TRIM5: variants seen among roughly 807,000 people sequenced by gnomAD.
TRIM5 encodes tripartite motif-containing protein 5.
TRIM5 carries 31 observed loss-of-function variants against 35.6 expected under a neutral mutation model. The ratio of observed to expected loss-of-function variants is 0.87; its 90% CI spans 0.65 to 1.18. The LOEUF (loss-of-function observed/expected upper bound fraction) is 1.18. TRIM5 is among the 50% of genes most tolerant of loss of function. The probability of loss-of-function intolerance (pLI) is 0.00; values close to 1 mark genes in which losing one functional copy is unlikely to be tolerated. For missense variants in TRIM5, 609 were observed against 591.6 expected (o/e 1.03, Z -0.31); for synonymous variants, 243 against 215.6 (o/e 1.13, Z -1.11).
chr11:5,628,256 C>G, the TRIM5 span, among the ~76,000 whole-genome samples: 1 of 152,198 alleles, frequency 6.6e-6, no homozygotes, highest in South Asian at 2.1e-4. Flanking sequence ...CCTGGAGCCC[C>G]CCGGTATTTC....
At chr11:5,666,201 G>A in intron 5 of TRIM5, 120 bp from the exon 6 acceptor site, 1 of 817,044 alleles carries the variant, frequency 1.2e-6, no homozygotes. Flanking sequence ...TGGGGATCCT[G>A]AGAAGGGAGA....
At chr11:5,634,115 A>G in the TRIM5 span, among the ~76,000 whole-genome samples, 1 of 152,228 alleles carries the variant, frequency 6.6e-6, no homozygotes, top group Non-Finnish European at 1.5e-5. Context: ...GATAGACTCT[A>G]TGATGAGGAA....
the TRIM5 span, among the ~76,000 whole-genome samples, chr11:5,601,740 A>T: frequency 6.6e-6 from 1 of 152,200 alleles, no homozygotes; most frequent in African/African-American, 2.4e-5. Flanking sequence ...CCTGGGCGAT[A>T]GAGCAAGACT....
intron 5 of TRIM5, 111 bp downstream of exon 5, chr11:5,667,578 A>G: frequency 8.5e-7 from 1 of 1,181,902 alleles, no homozygotes; most frequent in Non-Finnish European, 1.2e-6. Context: ...ACAATATCGA[A>G]ATTTTTCTGC....
chr11:5,679,224 T>C, intron 2 of TRIM5, 55 bp from the exon 3 acceptor site: 1 of 1,464,412 alleles, frequency 6.8e-7, no homozygotes, highest in South Asian at 1.2e-5. Flanking sequence ...AGCACCTAGA[T>C]AGAGTATAAA....
rs1292390179 is a variant in TRIM5, at chr11:5,665,994, T to C, written c.855A>G (p.Leu285=). 5.6e-6 allele frequency: 9 copies of C among 1,611,884 alleles called. No individual in the cohort carries two copies. The highest frequency in any genetic ancestry group is 4.4e-5 in the South Asian group (4 of 90,774). The stretch of plus-strand genomic sequence containing the variant: ...AGCTCTCCTCACCTCTAAACACTTC[T>C]AGCATTCCTTTCAGATCAGGAGCTC... ...VFRAPDLKGM[L]EVFRELTDVR... The change falls in exon 6 of 8, where the codon CTA becomes CTG. Residue 285 remains leucine (L), a synonymous_variant. Transcript: ENST00000380034.
At chr11:5,658,350 C>T (rs1850700556), downstream of TRIM5, among the ~76,000 whole-genome samples, 1 of 152,200 alleles carries the variant, frequency 6.6e-6, no homozygotes, top group African/African-American at 2.4e-5. Flanking sequence ...TTCCTTCTGG[C>T]CTCTTCATCC....
chr11:5,630,419 T>TG, the TRIM5 span, among the ~76,000 whole-genome samples: 1 of 152,124 alleles, frequency 6.6e-6, no homozygotes, highest in Non-Finnish European at 1.5e-5. Context: ...CACCTCCTAT[T>TG]CATTGGAAAG....
the TRIM5 span, among the ~76,000 whole-genome samples, chr11:5,636,760 G>C: frequency 6.6e-6 from 1 of 152,192 alleles, no homozygotes; most frequent in Non-Finnish European, 1.5e-5. Flanking sequence ...TTCACTTCTA[G>C]ATGTTAGCTT....
intron 1 of TRIM5, chr11:5,684,035 C>T (rs1450984488): frequency 6.5e-6 from 1 of 154,342 alleles, no homozygotes; most frequent in East Asian, 1.9e-4. Context: ...ACGAACCCAC[C>T]AGAAAGAAGA....
the TRIM5 span, among the ~76,000 whole-genome samples, chr11:5,615,449 T>C: frequency 8.0e-6 from 1 of 124,838 alleles, no homozygotes; most frequent in African/African-American, 3.0e-5. Flanking sequence ...TTTAGGAATG[T>C]TACATCCTGT....
At chr11:5,604,223 A>G in the TRIM5 span, among the ~76,000 whole-genome samples, 1 of 152,064 alleles carries the variant, frequency 6.6e-6, no homozygotes, top group Non-Finnish European at 1.5e-5. Context: ...CATGTTGCCC[A>G]GGCTGATCTC....
At chr11:5,638,666 A>G in the TRIM5 span, among the ~76,000 whole-genome samples, 1 of 152,218 alleles carries the variant, frequency 6.6e-6, no homozygotes, top group Admixed American at 6.5e-5. Flanking sequence ...GTTTGACAAT[A>G]CGGCATAAGA....
At chr11:5,669,115 CG>C (rs1564910770) in intron 4 of TRIM5, among the ~76,000 whole-genome samples, 1 of 143,498 alleles carries the variant, frequency 7.0e-6, no homozygotes, top group Non-Finnish European at 1.5e-5. Flanking sequence ...GGGTTTCGCT[CG>C]TTTCCCAGGC....
At chr11:5,611,283 C>A in the TRIM5 span, 1 of 1,614,118 alleles carries the variant, frequency 6.2e-7, no homozygotes. Flanking sequence ...TACTCTTTGT[C>A]CATATTTTAA....
chr11:5,608,468 G>A, the TRIM5 span: 3 of 1,598,136 alleles, frequency 1.9e-6, no homozygotes, highest in East Asian at 6.8e-5. Context: ...CAGTGGGAAA[G>A]GGAAGAAGAA....
chr11:5,670,734 G>C (rs1190831289), intron 4 of TRIM5, among the ~76,000 whole-genome samples: 1 of 152,024 alleles, frequency 6.6e-6, no homozygotes, highest in East Asian at 1.9e-4. Flanking sequence ...TGAGGGGATT[G>C]AACATAACTT....
intron 4 of TRIM5, among the ~76,000 whole-genome samples, chr11:5,670,592 A>G (rs1851513758): frequency 1.3e-5 from 2 of 152,228 alleles, no homozygotes; most frequent in African/African-American, 4.8e-5. Context: ...ACATATGGAA[A>G]GGATAAGTGA....
At chr11:5,636,331 T>C in the TRIM5 span, among the ~76,000 whole-genome samples, 7 of 152,306 alleles carry the variant, frequency 4.6e-5, no homozygotes, top group East Asian at 1.9e-4. Flanking sequence ...ATCCGTAATA[T>C]AGAAACTAGA....
Sources: allele counts gnomAD v4.1 joint callset (sites outside exome capture counted in the v4.1 genomes callset), GRCh38; gene constraint gnomAD v4.1.1; transcripts MANE v1.5; gene names NCBI Gene and HGNC (gene_info 2026-07-23, HGNC 2026-07-21).